Variants in GRID1 observed in about 807,000 individuals in gnomAD.
GRID1 encodes glutamate receptor ionotropic, delta-1.
Under a neutral mutation model 98.0 loss-of-function variants are expected in GRID1, and 28 were observed. The ratio of observed to expected loss-of-function variants is 0.29; its 90% CI spans 0.21 to 0.39. The LOEUF is 0.39. GRID1 is among the 10% of genes least tolerant of loss of function. GRID1 has a pLI of 1.00. For synonymous variants in GRID1, 553 were observed against 538.5 expected (o/e 1.03, Z -0.37); for missense variants, 1,111 against 1,340.5 (o/e 0.83, Z 2.67).
intron 2 of GRID1, among the ~76,000 whole-genome samples, chr10:86,281,511 C>T (rs542129066): frequency 1.3e-5 from 2 of 152,316 alleles, no homozygotes; most frequent in Non-Finnish European, 1.5e-5. Flanking sequence ...TTGTGCCTAA[C>T]CTTGGCTTAT....
chr10:85,664,373 G>A (rs932524179), intron 12 of GRID1, among the ~76,000 whole-genome samples: 1 of 152,032 alleles, frequency 6.6e-6, no homozygotes, highest in Admixed American at 6.6e-5. Flanking sequence ...GGGCAGCAAA[G>A]ATTTCTGCCT....
At chr10:85,831,866 T>A (rs1026316662) in intron 8 of GRID1, among the ~76,000 whole-genome samples, 13 of 151,182 alleles carry the variant, frequency 8.6e-5, no homozygotes, top group Non-Finnish European at 1.9e-4. Flanking sequence ...AACACAAAAA[T>A]AAATTATCTA....
At chr10:86,186,011 A>C (rs1845721068) in intron 3 of GRID1, among the ~76,000 whole-genome samples, 1 of 152,164 alleles carries the variant, frequency 6.6e-6, no homozygotes, top group Non-Finnish European at 1.5e-5. Flanking sequence ...TCTCTTAAAT[A>C]TTTGGCAGAA....
chr10:85,745,805 G>C (rs1467201189), intron 8 of GRID1, among the ~76,000 whole-genome samples: 1 of 151,662 alleles, frequency 6.6e-6, no homozygotes, highest in Non-Finnish European at 1.5e-5. Context: ...CAGAATAAGA[G>C]AGACATTTAG....
chr10:86,146,493 A>G (rs532460531), intron 3 of GRID1, among the ~76,000 whole-genome samples: 3 of 152,300 alleles, frequency 2.0e-5, no homozygotes, highest in African/African-American at 7.2e-5. Flanking sequence ...AGCGTCTGCC[A>G]TTTCCAAGGG....
At chr10:86,329,162 G>C (rs1192430342) in intron 2 of GRID1, among the ~76,000 whole-genome samples, 1 of 152,182 alleles carries the variant, frequency 6.6e-6, no homozygotes, top group Admixed American at 6.5e-5. Context: ...CATCCCTCCC[G>C]AGCCCTCTAA....
Position 86,090,694 on chromosome 10 carries a change from T to C in GRID1, c.726+48125A>G, listed in dbSNP as rs952727633. On this transcript the variant is annotated intron_variant, in intron 4 of 15. Transcript: ENST00000327946. ...AGACAGAGCAATACAGAGGCTTGCA[T>C]TGTGAATTTTAGCTCCAGATTGACT... is the stretch of plus-strand genomic sequence containing the variant. 3.3e-5 allele frequency among the ~76,000 whole-genome samples: 5 copies of C among 152,194 alleles called. No homozygotes were observed. In the East Asian group the frequency reaches 9.7e-4, roughly 29 times the overall value.
At chr10:85,708,827 C>T in intron 12 of GRID1, 1 of 164,320 alleles carries the variant, frequency 6.1e-6, no homozygotes, top group Non-Finnish European at 1.3e-5. Flanking sequence ...ATAGACTGTG[C>T]AGTGACCTCC....
At chr10:85,743,218 A>G (rs1468671455) in intron 8 of GRID1, among the ~76,000 whole-genome samples, 2 of 149,428 alleles carry the variant, frequency 1.3e-5, no homozygotes, top group East Asian at 4.1e-4. Context: ...TGGGTCCCAC[A>G]TGGATCCCAT....
chr10:86,012,965 A>C (rs61856019), intron 4 of GRID1, among the ~76,000 whole-genome samples: 8,346 of 152,318 alleles, frequency 0.055, 289 homozygotes, highest in Middle Eastern at 0.088. Context: ...AAAGGAAATA[A>C]TACCACGATC....
At chr10:85,985,911 G>A (rs1005376758) in intron 4 of GRID1, among the ~76,000 whole-genome samples, 1 of 152,160 alleles carries the variant, frequency 6.6e-6, no homozygotes, top group Non-Finnish European at 1.5e-5. Context: ...TACAAATCCT[G>A]ACAAATTTGG....
At chr10:85,940,495 A>C (rs1352418614) in intron 4 of GRID1, among the ~76,000 whole-genome samples, 1 of 152,184 alleles carries the variant, frequency 6.6e-6, no homozygotes, top group African/African-American at 2.4e-5. Flanking sequence ...GCACACACTG[A>C]TGTGGCTTCT....
intron 4 of GRID1, among the ~76,000 whole-genome samples, chr10:85,925,262 C>T (rs1057324169): frequency 6.6e-5 from 10 of 152,194 alleles, no homozygotes; most frequent in Admixed American, 1.3e-4. Context: ...TGGGAGGCAA[C>T]GGAGCCCAGC....
At chr10:86,161,542 C>G (rs1458634312) in intron 3 of GRID1, among the ~76,000 whole-genome samples, 1 of 152,106 alleles carries the variant, frequency 6.6e-6, no homozygotes, top group African/African-American at 2.4e-5. Context: ...CAGTGAGTGC[C>G]CTAAGCCAAA....
chr10:85,670,617 T>C (rs1343243460), intron 12 of GRID1, among the ~76,000 whole-genome samples: 1 of 152,162 alleles, frequency 6.6e-6, no homozygotes, highest in Non-Finnish European at 1.5e-5. Context: ...GCGAGTTGCT[T>C]GAAGCCCCCT....
intron 12 of GRID1, among the ~76,000 whole-genome samples, chr10:85,691,286 C>T (rs1052002246): frequency 1.3e-5 from 2 of 152,198 alleles, no homozygotes; most frequent in Non-Finnish European, 1.5e-5. Context: ...GCAATTCTGC[C>T]ATAACTTTTG....
chr10:85,629,429 G>A (rs1361940415), intron 13 of GRID1, among the ~76,000 whole-genome samples: 2 of 135,422 alleles, frequency 1.5e-5, no homozygotes, highest in Non-Finnish European at 3.1e-5. Context: ...TTCCACACTC[G>A]ATGTCCAGGT....
At chr10:85,851,548 TG>T (rs1388652140) in intron 8 of GRID1, among the ~76,000 whole-genome samples, 8 of 152,322 alleles carry the variant, frequency 5.3e-5, no homozygotes, top group African/African-American at 1.9e-4. Context: ...AATGTCTGGG[TG>T]ACTCACCATC....
chr10:85,629,176 T>A (rs1253495978), intron 13 of GRID1, among the ~76,000 whole-genome samples: 1 of 152,162 alleles, frequency 6.6e-6, no homozygotes, highest in South Asian at 2.1e-4. Flanking sequence ...ATGAGAGTAA[T>A]TTTGCATCTC....
Sources: gnomAD v4.1 joint callset for allele counts (sites outside exome capture counted in the v4.1 genomes callset) on GRCh38, gnomAD v4.1.1 for gene constraint, MANE v1.5 for transcripts, NCBI Gene and HGNC (gene_info 2026-07-23, HGNC 2026-07-21) for gene names.